CNTNAP2: variants seen among roughly 807,000 people sequenced by gnomAD.
CNTNAP2 encodes contactin associated protein 2.
A neutral mutation model predicts 155.2 loss-of-function variants in CNTNAP2; 98 were observed. The observed-to-expected ratio is 0.63, with a 90% confidence interval of 0.54 to 0.75. CNTNAP2 has a LOEUF of 0.75. Ranked by LOEUF, CNTNAP2 falls within the 30% of genes least tolerant of loss-of-function variation. CNTNAP2 has a pLI of 0.00. For missense variants in CNTNAP2, 1,727 were observed against 1,688.1 expected, an observed-to-expected ratio of 1.02 and a Z score of -0.40; for synonymous variants, 651 against 631.2, an observed-to-expected ratio of 1.03 and a Z score of -0.47.
At chr7:146,748,143 CTT>C (rs61495352) in intron 1 of CNTNAP2, among the ~76,000 whole-genome samples, 4 of 98,004 alleles carry the variant, frequency 4.1e-5, no homozygotes, top group Admixed American at 1.1e-4. Flanking sequence ...CTTTTCTTTT[CTT>C]TTTTTTTTTT....
At chr7:147,101,174 G>A (rs1378666290) in intron 4 of CNTNAP2, among the ~76,000 whole-genome samples, 3 of 152,232 alleles carry the variant, frequency 2.0e-5, no homozygotes, top group African/African-American at 7.2e-5. Context: ...GCCTGGACGG[G>A]AAGGCAGGAG....
At chr7:146,698,692 T>C (rs1476560480) in intron 1 of CNTNAP2, among the ~76,000 whole-genome samples, 3 of 152,144 alleles carry the variant, frequency 2.0e-5, no homozygotes, top group Non-Finnish European at 2.9e-5. Context: ...GCATTATTTC[T>C]TGGGCTCTTC....
At chr7:146,893,217 C>T (rs772000906) in intron 3 of CNTNAP2, among the ~76,000 whole-genome samples, 5 of 151,784 alleles carry the variant, frequency 3.3e-5, no homozygotes, top group Non-Finnish European at 7.4e-5. Flanking sequence ...TCATTTTTTC[C>T]TAGTCACGAT....
intron 1 of CNTNAP2, among the ~76,000 whole-genome samples, chr7:146,715,719 C>A (rs1455564956): frequency 6.6e-6 from 1 of 152,080 alleles, no homozygotes; most frequent in Admixed American, 6.5e-5. Flanking sequence ...ACTATTGTTG[C>A]AAACCAAGTT....
chr7:147,386,492 A>G (rs534997833), intron 9 of CNTNAP2, among the ~76,000 whole-genome samples: 7 of 152,106 alleles, frequency 4.6e-5, no homozygotes, highest in Non-Finnish European at 8.8e-5. Context: ...TAAATCACCT[A>G]TCTGAAGTTC....
At chr7:148,323,881 A>ATTTTTTTTTTT (rs35049282) in intron 21 of CNTNAP2, among the ~76,000 whole-genome samples, 1 of 102,594 alleles carries the variant, frequency 9.7e-6, no homozygotes, top group Non-Finnish European at 1.9e-5. Flanking sequence ...CTGAAGCCCC[A>ATTTTTTTTTTT]TTTTTTTTTT....
At chr7:147,714,195 TTC>T (rs1221908043) in intron 13 of CNTNAP2, among the ~76,000 whole-genome samples, 1 of 151,616 alleles carries the variant, frequency 6.6e-6, no homozygotes, top group African/African-American at 2.4e-5. Flanking sequence ...CTCCAAATCC[TTC>T]TCTTTCCCCA....
intron 13 of CNTNAP2, among the ~76,000 whole-genome samples, chr7:147,695,009 A>T (rs1318111880): frequency 2.6e-5 from 4 of 152,188 alleles, no homozygotes; most frequent in Non-Finnish European, 4.4e-5. Context: ...CTTTCACTGC[A>T]TCCCACACAT....
intron 20 of CNTNAP2, among the ~76,000 whole-genome samples, chr7:148,250,557 C>T (rs1277495345): frequency 1.3e-5 from 2 of 152,200 alleles, no homozygotes; most frequent in African/African-American, 2.4e-5. Context: ...TTCTTCCCAC[C>T]CAGCCAGTGC....
intron 1 of CNTNAP2, among the ~76,000 whole-genome samples, chr7:146,416,381 T>C (rs1795938952): frequency 6.6e-6 from 1 of 151,940 alleles, no homozygotes; most frequent in African/African-American, 2.4e-5. Flanking sequence ...TCAGTTTGCC[T>C]CTCGTTTGCA....
At chr7:147,008,192 C>T (rs1304775699) in intron 3 of CNTNAP2, among the ~76,000 whole-genome samples, 1 of 151,908 alleles carries the variant, frequency 6.6e-6, no homozygotes, top group African/African-American at 2.4e-5. Context: ...AAGGAAAGAC[C>T]GTGACTTGTT....
chr7:146,377,448 CT>C (rs1289468307), intron 1 of CNTNAP2, among the ~76,000 whole-genome samples: 2 of 152,166 alleles, frequency 1.3e-5, no homozygotes, highest in African/African-American at 4.8e-5. Context: ...CACCTATATA[CT>C]GATGACTATT....
chr7:147,853,261 T>C (rs1352182934), intron 13 of CNTNAP2, among the ~76,000 whole-genome samples: 1 of 152,204 alleles, frequency 6.6e-6, no homozygotes, highest in East Asian at 1.9e-4. Context: ...ACCAAAGTAG[T>C]ATTTTAAAAG....
rs185156359 is a variant in CNTNAP2, at chr7:147,360,315, A to T, written c.1499-35294A>T. ...TATAAATAATCATTGAATTTTTATGATATTTCAGTATGTTAAGGTCTCCTA... is the reference window on the plus strand; with the variant it reads ...TATAAATAATCATTGAATTTTTATGTTATTTCAGTATGTTAAGGTCTCCTA... On this transcript the variant is annotated intron_variant, in intron 9 of 23. Coordinates refer to ENST00000361727, the MANE Select transcript of CNTNAP2 (RefSeq NM_014141.6). Among the ~76,000 whole-genome samples the T allele has an allele frequency of 3.3e-3, 500 of 152,228 alleles. 3 individuals carry two copies. The highest frequency in any genetic ancestry group is 9.0e-3 in the African/African-American group (375 of 41,548).
At chr7:146,482,511 G>A (rs1383820955) in intron 1 of CNTNAP2, among the ~76,000 whole-genome samples, 1 of 151,946 alleles carries the variant, frequency 6.6e-6, no homozygotes, top group Non-Finnish European at 1.5e-5. Flanking sequence ...TTGGGAGGCC[G>A]AGGCTGGCGG....
chr7:147,386,768 G>T (rs1014456360), intron 9 of CNTNAP2, among the ~76,000 whole-genome samples: 3 of 152,112 alleles, frequency 2.0e-5, no homozygotes, highest in African/African-American at 7.2e-5. Flanking sequence ...CAGTTCCAAT[G>T]TTGCTTCCAC....
At chr7:146,266,938 T>C (rs1011472953) in intron 1 of CNTNAP2, among the ~76,000 whole-genome samples, 2 of 151,912 alleles carry the variant, frequency 1.3e-5, no homozygotes, top group Admixed American at 6.6e-5. Flanking sequence ...CAATAAAATA[T>C]TTAGTCACAT....
intron 3 of CNTNAP2, among the ~76,000 whole-genome samples, chr7:146,993,345 G>C (rs1798244556): frequency 6.6e-6 from 1 of 152,100 alleles, no homozygotes; most frequent in Non-Finnish European, 1.5e-5. Flanking sequence ...TTGTATGCGT[G>C]CTCAGGTGAG....
At chr7:147,940,226 T>C (rs1460082993) in intron 14 of CNTNAP2, 3 of 149,132 alleles carry the variant, frequency 2.0e-5, no homozygotes, top group Non-Finnish European at 4.4e-5. Context: ...AAAATTTCCA[T>C]TCTGATCGGC....
Sources: allele counts gnomAD v4.1 joint callset (sites outside exome capture counted in the v4.1 genomes callset), GRCh38; gene constraint gnomAD v4.1.1; transcripts MANE v1.5; gene names NCBI Gene and HGNC (gene_info 2026-07-23, HGNC 2026-07-21).